Variants in PNCK observed in about 807,000 individuals in gnomAD.
The protein encoded by PNCK is pregnancy up-regulated nonubiquitous CaM kinase, also known as calcium/calmodulin-dependent protein kinase type 1B.
PNCK carries 21 observed loss-of-function variants against 28.3 expected under a neutral mutation model. That is an observed-to-expected ratio of 0.74 (90% confidence interval 0.53 to 1.07). PNCK has a LOEUF of 1.07. Among genes scored for constraint, PNCK ranks in the 50% least tolerant of loss-of-function variants. PNCK has a pLI of 0.00. For missense variants in PNCK, 250 were observed against 298.3 expected, an observed-to-expected ratio of 0.84 and a Z score of 1.19; for synonymous variants, 136 against 125.2, an observed-to-expected ratio of 1.09 and a Z score of -0.58.
chrX:153,671,059 G>A lies in PNCK; in HGVS notation c.727+19C>T, dbSNP rs377267206. ...ACTCCCTTGCATCACCTCCAAGCAC[G>A]GGCCAGCCTCAAGCTCACCTGATTC... is the stretch of plus-strand genomic sequence containing the variant. On this transcript the variant is annotated intron_variant, in intron 8 of 11. Coordinates refer to ENST00000340888, the MANE Select transcript of PNCK (RefSeq NM_001366977.1). The A allele has an allele frequency of 5.8e-4, 706 of 1,210,394 alleles. 9 individuals carry two copies. In the South Asian group the frequency reaches 0.012, roughly 20 times the overall value.
chrX:153,671,852 G>T, intron 5 of PNCK, 28 bp downstream of exon 5: 1 of 1,202,699 alleles, frequency 8.3e-7, no homozygotes, highest in Non-Finnish European at 1.1e-6. Context: ...AGGTGGGAGG[G>T]TGGGGTGCAG....
chrX:153,673,156 T>C, intron 1 of PNCK, 78 bp from the exon 2 acceptor site: 1 of 1,175,873 alleles, frequency 8.5e-7, no homozygotes, highest in Non-Finnish European at 1.1e-6. Flanking sequence ...CTCCACCCCC[T>C]GCCAGGCAGG....
intron 1 of PNCK, chrX:153,686,759 C>G (rs1557043244): frequency 8.9e-6 from 1 of 112,301 alleles, no homozygotes; most frequent in Non-Finnish European, 1.9e-5. Context: ...GGTCTAAGCA[C>G]AGGTGACACC....
chrX:153,677,788 ATAGT>A (rs2091377111), upstream of PNCK, among the ~76,000 whole-genome samples: 1 of 105,004 alleles, frequency 9.5e-6, no homozygotes, highest in Non-Finnish European at 1.9e-5. Flanking sequence ...TAGTGTGTAT[ATAGT>A]GTGTGTATAT....
chrX:153,673,300 C>T (rs2091336463), intron 1 of PNCK: 2 of 1,180,889 alleles, frequency 1.7e-6, no homozygotes, highest in Non-Finnish European at 2.3e-6. Context: ...TCCCACGCAC[C>T]CTCCCCCGCA....
rs782336468 is a variant in PNCK at position 153,670,948 on chromosome X, A to G, written c.776T>C (p.Phe259Ser). 3 of 1,212,057 alleles carry G rather than the reference A, an allele frequency of 2.5e-6. No homozygotes were observed. The Admixed American group carries it at 6.5e-5, about 26-fold the overall frequency. The change falls in exon 9 of 12, where the codon TTC (phenylalanine) becomes TCC (serine). Residue 259 changes from phenylalanine (F) to serine (S), a missense_variant. By Grantham distance (155) the Phe-to-Ser change is radical (BLOSUM62 -2). Transcript: ENST00000340888. Reference sequence around the variant, plus strand: ...GTGCCGCAAGGCCTGTTGGCAGGTGAACCTCTTCTGGGGGTCTCGCTCCAG... The same window carrying G: ...GTGCCGCAAGGCCTGTTGGCAGGTGGACCTCTTCTGGGGGTCTCGCTCCAG... ...HLLERDPQKR[F>S]TCQQALRHLW... is the part of the protein sequence containing the mutation.
chrX:153,676,143 T>C (rs892375669), upstream of PNCK, among the ~76,000 whole-genome samples: 1 of 110,465 alleles, frequency 9.1e-6, no homozygotes, highest in Middle Eastern at 4.7e-3. Context: ...CTAATAACTC[T>C]TTGTTAAGCC....
upstream of PNCK, chrX:153,674,471 T>G (rs1268063774): frequency 8.3e-6 from 2 of 242,361 alleles, no homozygotes; most frequent in African/African-American, 5.6e-5. Flanking sequence ...CTCCCCTGCC[T>G]GGAATGTTCT....
In PNCK at chrX:153,672,612, G is replaced by A. The variant is rs368559736; in HGVS notation, c.154C>T (p.Arg52Trp). 11 of 1,206,624 alleles carry A rather than the reference G, an allele frequency of 9.1e-6. No homozygotes were observed. The highest frequency in any genetic ancestry group is 4.3e-5 in the Admixed American group (2 of 46,041). The change falls in exon 3 of 12, where the codon CGG becomes TGG. Residue 52 changes from arginine to tryptophan, a missense_variant. Coordinates refer to ENST00000340888, the MANE Select transcript of PNCK (RefSeq NM_001366977.1). The stretch of plus-strand genomic sequence containing the variant: ...TTCTCCACCAGGGCCTCCTTGCCCC[G>A]GAGGGCCTTCTTGGGGATGCACTTG... ...ALKCIPKKAL[R>W]GKEALVENEI...
chrX:153,675,987 C>CTTTTTTT (rs59527995), upstream of PNCK, among the ~76,000 whole-genome samples: 2 of 79,973 alleles, frequency 2.5e-5, no homozygotes, highest in Non-Finnish European at 5.0e-5. Flanking sequence ...TTTTTCTTTT[C>CTTTTTTT]TTTTTTTTTT....
Position 153,670,553 on chromosome X carries a change from C to T in PNCK, c.936G>A (p.Lys312=). The change falls in exon 11 of 12, where the codon AAG becomes AAA. Residue 312 remains lysine (K), a synonymous_variant. Coordinates refer to ENST00000340888, the MANE Select transcript of PNCK (RefSeq NM_001366977.1). ...NATSFLRHIR[K]LGQIPEGEGA... ...CCTCGCCCTCTGGGATCTGCCCCAGCTTCCGGATGTGGCGCAGGAACGAGG... is the reference window on the plus strand; with the variant it reads ...CCTCGCCCTCTGGGATCTGCCCCAGTTTCCGGATGTGGCGCAGGAACGAGG... The T allele has an allele frequency of 8.3e-7, 1 of 1,211,176 alleles. No individual in the cohort carries two copies. Among genetic ancestry groups the T allele is most frequent in the Non-Finnish European group, 1.1e-6 (1 of 895,375 alleles).
At chrX:153,684,438 T>C (rs2091408334) in intron 1 of PNCK, among the ~76,000 whole-genome samples, 1 of 111,062 alleles carries the variant, frequency 9.0e-6, no homozygotes. Flanking sequence ...GGGTGGGGGG[T>C]TCTGCTGCCC....
chrX:153,670,753 T>C lies in PNCK; in HGVS notation c.885A>G (p.Thr295=). The C allele has an allele frequency of 8.3e-7, 1 of 1,208,739 alleles. No homozygotes were observed. Among genetic ancestry groups the C allele is most frequent in the African/African-American group, 1.7e-5 (1 of 57,792 alleles). The change falls in exon 10 of 12, where the codon ACA becomes ACG. Residue 295 remains threonine, a synonymous_variant. Coordinates refer to ENST00000340888, the MANE Select transcript of PNCK (RefSeq NM_001366977.1). ...CTCTCTCCACACTGACCTTCCAGTG[T>C]GTCCGAGCAAAGTTCTTCCGGATCT... ...SEQIRKNFAR[T]HWKRAFNATS...
chrX:153,685,128 G>A (rs1442352046), intron 1 of PNCK, among the ~76,000 whole-genome samples: 2 of 106,858 alleles, frequency 1.9e-5, no homozygotes, highest in African/African-American at 3.4e-5. Context: ...ACAGGCGGAG[G>A]CTTGGAAAGG....
At chrX:153,670,164 C>T (rs2091275433) in intron 11 of PNCK, 34 bp from the exon 12 acceptor site, 2 of 389,685 alleles carry the variant, frequency 5.1e-6, no homozygotes, top group Non-Finnish European at 9.1e-6. Flanking sequence ...AGGGGGTAGT[C>T]AGGAGCCGGC....
upstream of PNCK, chrX:153,673,924 G>A: frequency 1.0e-6 from 1 of 989,335 alleles, no homozygotes. Flanking sequence ...GGCGCCGCAG[G>A]GCACCTTGTA....
At chrX:153,677,602 TGTGTATATATATA>T (rs1325778485), upstream of PNCK, among the ~76,000 whole-genome samples, 8 of 100,649 alleles carry the variant, frequency 7.9e-5, no homozygotes, top group African/African-American at 1.9e-4. Flanking sequence ...ATATATATAG[TGTGTATATATATA>T]GTGTATATAT....
At chrX:153,673,919 C>T (rs1248825389), upstream of PNCK, 2 of 972,852 alleles carry the variant, frequency 2.1e-6, no homozygotes, top group South Asian at 3.8e-5. Flanking sequence ...GCCGCGGCGC[C>T]GCAGGGCACC....
chrX:153,677,866 A>G (rs1489100021), upstream of PNCK, among the ~76,000 whole-genome samples: 4 of 104,926 alleles, frequency 3.8e-5, no homozygotes, highest in Non-Finnish European at 7.7e-5. Flanking sequence ...GTGTGTATAT[A>G]TACACTAACC....
Sources: allele counts gnomAD v4.1 joint callset (sites outside exome capture counted in the v4.1 genomes callset), GRCh38; gene constraint gnomAD v4.1.1; transcripts MANE v1.5; gene names NCBI Gene and HGNC (gene_info 2026-07-23, HGNC 2026-07-21).